TMEM132D: variants seen among roughly 807,000 people sequenced by gnomAD.
TMEM132D encodes the protein mature OL transmembrane protein.
In TMEM132D, 21 loss-of-function variants were observed where a neutral mutation model predicts 62.3. The observed-to-expected ratio is 0.34, with a 90% CI of 0.24 to 0.49. TMEM132D has a LOEUF of 0.49. TMEM132D is among the 20% of genes least tolerant of loss of function. TMEM132D has a pLI of 0.99. For synonymous variants in TMEM132D, 621 were observed against 575.6 expected, an observed-to-expected ratio of 1.08 and a Z score of -1.13; for missense variants, 1,346 against 1,402.8, an observed-to-expected ratio of 0.96 and a Z score of 0.65.
At chr12:129,142,899 C>T (rs922592793) in intron 5 of TMEM132D, among the ~76,000 whole-genome samples, 1 of 152,168 alleles carries the variant, frequency 6.6e-6, no homozygotes, top group Non-Finnish European at 1.5e-5. Flanking sequence ...ATTGGAACCC[C>T]TTGGGTGACA....
rs2137404919 is a variant in TMEM132D, at chr12:129,903,207, C to A, written c.79+54G>T. ...CCCCCATCCTCCACACACTCCCACA[C>A]ACTCACTCCAGGCGAAGTTAGTCCC... On this transcript the variant is annotated intron_variant, in intron 1 of 8. Transcript: ENST00000422113. This position sits in a 1 kb window ranked among gnomAD's most constrained non-coding sequence, Gnocchi z 6.2. 1.3e-6 allele frequency: 2 copies of A among 1,534,060 alleles called. No homozygotes were observed. The highest frequency in any genetic ancestry group is 1.2e-5 in the South Asian group (1 of 83,700).
intron 2 of TMEM132D, among the ~76,000 whole-genome samples, chr12:129,610,424 A>G (rs754541180): frequency 2.6e-5 from 4 of 152,188 alleles, no homozygotes; most frequent in Non-Finnish European, 5.9e-5. Flanking sequence ...ATATTCCCTA[A>G]TATATTAAAG....
intron 2 of TMEM132D, among the ~76,000 whole-genome samples, chr12:129,572,293 C>T (rs753493293): frequency 1.3e-5 from 2 of 152,232 alleles, no homozygotes; most frequent in Non-Finnish European, 2.9e-5. Context: ...CTTGACGCCG[C>T]CTGTTGAATT....
At chr12:129,141,480 T>A (rs1323135976) in intron 5 of TMEM132D, among the ~76,000 whole-genome samples, 6 of 152,166 alleles carry the variant, frequency 3.9e-5, no homozygotes, top group Non-Finnish European at 8.8e-5. Context: ...TCAAACTGTG[T>A]AACATGATGA....
At chr12:129,388,560 T>C (rs113584679) in intron 3 of TMEM132D, among the ~76,000 whole-genome samples, 1,535 of 49,074 alleles carry the variant, frequency 0.031, 191 homozygotes, top group African/African-American at 0.08. Context: ...AACACTAACA[T>C]GAATCCTAAT....
At position 129,867,410 on chromosome 12, in the gene TMEM132D, A is replaced by G. The variant is rs748287559; in HGVS notation, c.79+35851T>C. Among the ~76,000 whole-genome samples the G allele has an allele frequency of 6.6e-6, 1 of 152,280 alleles. No homozygotes were observed. Among genetic ancestry groups the G allele is most frequent in the Non-Finnish European group, 1.5e-5 (1 of 68,052 alleles). On this transcript the variant is annotated intron_variant, in intron 1 of 8. Coordinates refer to ENST00000422113, the MANE Select transcript of TMEM132D (RefSeq NM_133448.3). This position sits in a 1 kb window ranked among gnomAD's most constrained non-coding sequence, Gnocchi z 4.5. ...CTAAAAAAGCTAAACTCAGAGGAGCAGAGTAAAATGGTAGTTGCCAGGGCT... is the reference window on the plus strand; with the variant it reads ...CTAAAAAAGCTAAACTCAGAGGAGCGGAGTAAAATGGTAGTTGCCAGGGCT...
chr12:129,391,823 C>G (rs540599627), intron 3 of TMEM132D, among the ~76,000 whole-genome samples: 60 of 152,250 alleles, frequency 3.9e-4, no homozygotes, highest in South Asian at 3.5e-3. Context: ...GTGGTGCTAT[C>G]TTGGCTCACT....
intron 3 of TMEM132D, among the ~76,000 whole-genome samples, chr12:129,466,054 G>A (rs1189211332): frequency 2.0e-5 from 3 of 152,164 alleles, no homozygotes; most frequent in Non-Finnish European, 2.9e-5. Context: ...GGGTGTTTGA[G>A]ACAATGCAAG....
chr12:129,361,998 A>C (rs1481047440), intron 3 of TMEM132D, among the ~76,000 whole-genome samples: 1 of 152,138 alleles, frequency 6.6e-6, no homozygotes, highest in Non-Finnish European at 1.5e-5. Flanking sequence ...GATCTTGTTT[A>C]CTTATTTATT....
At chr12:129,405,064 G>T (rs1180268615) in intron 3 of TMEM132D, among the ~76,000 whole-genome samples, 1 of 152,112 alleles carries the variant, frequency 6.6e-6, no homozygotes, top group Non-Finnish European at 1.5e-5. Flanking sequence ...TTTAATTTTT[G>T]AAACTTTAAA....
chr12:129,674,376 T>G (rs534686213), intron 2 of TMEM132D, among the ~76,000 whole-genome samples: 1 of 152,330 alleles, frequency 6.6e-6, no homozygotes, highest in South Asian at 2.1e-4. Context: ...GTCAGAAATT[T>G]CATTTTCTTC....
intron 2 of TMEM132D, among the ~76,000 whole-genome samples, chr12:129,682,453 C>A (rs1880800968): frequency 6.6e-6 from 1 of 152,146 alleles, no homozygotes; most frequent in African/African-American, 2.4e-5. Context: ...TCCTCATAAA[C>A]CCCATGTGGT....
intron 1 of TMEM132D, among the ~76,000 whole-genome samples, chr12:129,785,380 C>T (rs1871224029): frequency 6.6e-6 from 1 of 152,150 alleles, no homozygotes; most frequent in South Asian, 2.1e-4. Context: ...AGGACTTGAG[C>T]TTTCTCATAG....
At chr12:129,344,907 C>G (rs1017055645) in intron 3 of TMEM132D, among the ~76,000 whole-genome samples, 3 of 152,064 alleles carry the variant, frequency 2.0e-5, no homozygotes, top group Non-Finnish European at 4.4e-5. Flanking sequence ...TATTTAACAG[C>G]TATGAGCAGT....
intron 5 of TMEM132D, among the ~76,000 whole-genome samples, chr12:129,169,871 C>T (rs548544646): frequency 6.6e-6 from 1 of 152,222 alleles, no homozygotes; most frequent in Non-Finnish European, 1.5e-5. Flanking sequence ...TTTACAAAAA[C>T]ACCCTTAAGC....
chr12:129,420,325 T>C (rs1872274300), intron 3 of TMEM132D, among the ~76,000 whole-genome samples: 1 of 111,836 alleles, frequency 8.9e-6, no homozygotes, highest in African/African-American at 3.1e-5. Context: ...TTTTTTTTTT[T>C]TTTTTGCAGT....
chr12:129,448,590 G>A lies in TMEM132D; in HGVS notation c.1115+82469C>T, dbSNP rs149755588. On this transcript the variant is annotated intron_variant, in intron 3 of 8. Coordinates refer to ENST00000422113, the MANE Select transcript of TMEM132D (RefSeq NM_133448.3). Reference sequence around the variant, plus strand: ...TTTCAAAGCTGCATGGTATTTTATCGCATATACATGCCACATTTTCTTTAT... The same window carrying A: ...TTTCAAAGCTGCATGGTATTTTATCACATATACATGCCACATTTTCTTTAT... Among the ~76,000 whole-genome samples, 654 of 152,180 alleles carry A rather than the reference G, an allele frequency of 4.3e-3. 4 individuals carry two copies. Among genetic ancestry groups the A allele is most frequent in the African/African-American group, 0.015 (615 of 41,528 alleles).
Position 129,477,865 on chromosome 12 carries a change from CAGAG to C in TMEM132D, c.1115+53190_1115+53193del, listed in dbSNP as rs368466852. On this transcript the variant is annotated intron_variant, in intron 3 of 8. Transcript: ENST00000422113. Reference sequence around the variant, plus strand: ...ATAGACACATACACACACACATATACAGAGAGAGAGAGAGAGACAGAGAGAGAGA... The same window carrying C: ...ATAGACACATACACACACACATATACAGAGAGAGAGAGACAGAGAGAGAGA... Among the ~76,000 whole-genome samples, 70 of 149,680 alleles carry C rather than the reference CAGAG, an allele frequency of 4.7e-4. 1 individual carries two copies. In the East Asian group the frequency reaches 0.011, roughly 24 times the overall value.
At chr12:129,255,301 C>T (rs1880371325) in intron 4 of TMEM132D, among the ~76,000 whole-genome samples, 1 of 152,148 alleles carries the variant, frequency 6.6e-6, no homozygotes, top group South Asian at 2.1e-4. Flanking sequence ...ACTAATACAT[C>T]AGGACTGTTT....
Sources: allele counts gnomAD v4.1 joint callset (sites outside exome capture counted in the v4.1 genomes callset), GRCh38; gene constraint gnomAD v4.1.1; non-coding constraint Gnocchi (gnomAD v3.1); transcripts MANE v1.5; gene names NCBI Gene and HGNC (gene_info 2026-07-23, HGNC 2026-07-21).